Variants in IDO2 observed in about 807,000 individuals in gnomAD.
IDO2 encodes indoleamine 2,3-dioxygenase 2, also known as indoleamine 2,3-dioxygenase-like 1 protein.
In IDO2, 46 loss-of-function variants were observed where a neutral mutation model predicts 45.1. That is an observed-to-expected ratio of 1.02 (90% CI 0.80 to 1.30). The LOEUF (loss-of-function observed/expected upper bound fraction) is 1.30. IDO2 is among the 50% of genes most tolerant of loss of function. The pLI is 0.00. For missense variants in IDO2, 544 were observed against 491.8 expected, an observed-to-expected ratio of 1.11 and a Z score of -1.00; for synonymous variants, 218 against 184.9, an observed-to-expected ratio of 1.18 and a Z score of -1.45.
intron 1 of IDO2, among the ~76,000 whole-genome samples, chr8:39,943,692 C>A (rs939225085): frequency 7.1e-6 from 1 of 141,680 alleles, no homozygotes; most frequent in South Asian, 2.2e-4. Context: ...GAGCTGAGAT[C>A]GCGCCACTGC....
Position 40,005,308 on chromosome 8 carries a change from A to AT in IDO2, c.668-15dup, listed in dbSNP as rs748236730. On this transcript the variant is annotated intron_variant, in intron 8 of 10. Coordinates refer to ENST00000502986, the Ensembl canonical transcript of IDO2. ...TTTCTTTGCCTGTAGTAAAGTTCAC[A>AT]TTTTGATTGCTTCTCCAGATTATGT... is the stretch of plus-strand genomic sequence containing the variant. 2.6e-6 allele frequency: 4 copies of AT among 1,559,004 alleles called. No individual in the cohort carries two copies. Among genetic ancestry groups the AT allele is most frequent in the Non-Finnish European group, 3.5e-6 (4 of 1,144,602 alleles).
chr8:39,949,914 A>G (rs956049888), intron 2 of IDO2, among the ~76,000 whole-genome samples: 5 of 152,210 alleles, frequency 3.3e-5, no homozygotes, highest in African/African-American at 1.2e-4. Context: ...CTAACAAACA[A>G]TACCTCTTTC....
intron 8 of IDO2, among the ~76,000 whole-genome samples, chr8:40,004,451 A>G (rs1183970113): frequency 6.6e-6 from 1 of 152,218 alleles, no homozygotes; most frequent in Non-Finnish European, 1.5e-5. Context: ...AGATAAATAC[A>G]TAGATAGATA....
At chr8:39,971,990 A>G (rs192745320) in intron 3 of IDO2, among the ~76,000 whole-genome samples, 1 of 151,990 alleles carries the variant, frequency 6.6e-6, no homozygotes, top group South Asian at 2.1e-4. Flanking sequence ...TTGTATTTTT[A>G]GTAGAGATGG....
chr8:39,989,714 T>A lies in IDO2; in HGVS notation c.550-7T>A. ...TAATAAGTTGTGTACATGCATCTCA[T>A]CCCTAGGCTCTTGTTCAGGCCACGA... is the stretch of plus-strand genomic sequence containing the variant. On this transcript the variant is annotated splice_region_variant and splice_polypyrimidine_tract_variant and intron_variant, in intron 7 of 10. Coordinates refer to ENST00000502986, the Ensembl canonical transcript of IDO2. 1 of 1,566,080 alleles carries A rather than the reference T, an allele frequency of 6.4e-7. No individual in the cohort carries two copies. The highest frequency in any genetic ancestry group is 8.7e-7 in the Non-Finnish European group (1 of 1,153,258).
chr8:39,997,230 G>C (rs1802059565), intron 8 of IDO2, among the ~76,000 whole-genome samples: 1 of 152,084 alleles, frequency 6.6e-6, no homozygotes, highest in African/African-American at 2.4e-5. Flanking sequence ...AATTACAAAA[G>C]TGGCATGACT....
intron 2 of IDO2, among the ~76,000 whole-genome samples, chr8:39,956,906 G>T (rs1325602130): frequency 6.6e-6 from 1 of 151,704 alleles, no homozygotes; most frequent in Non-Finnish European, 1.5e-5. Context: ...AGCCGGACGT[G>T]GTGGTATACA....
intron 8 of IDO2, chr8:39,998,111 A>G (rs540223554): frequency 1.9e-5 from 4 of 213,700 alleles, no homozygotes; most frequent in East Asian, 1.1e-4. Flanking sequence ...GTCAAAGCCT[A>G]TGGTAGACAT....
intron 4 of IDO2, among the ~76,000 whole-genome samples, chr8:39,981,761 A>G (rs905367813): frequency 6.6e-6 from 1 of 152,170 alleles, no homozygotes; most frequent in Non-Finnish European, 1.5e-5. Context: ...TTCTTAATGG[A>G]TATTTTATCT....
intron 4 of IDO2, among the ~76,000 whole-genome samples, chr8:39,981,351 T>C (rs1272964253): frequency 6.6e-6 from 1 of 152,176 alleles, no homozygotes; most frequent in African/African-American, 2.4e-5. Flanking sequence ...TGAGCCACCG[T>C]GCCCGGCGTG....
At position 39,999,519 on chromosome 8, in the gene IDO2, T is replaced by C. The variant is rs562143755; in HGVS notation, c.668-5808T>C. Among the ~76,000 whole-genome samples the C allele has an allele frequency of 4.6e-5, 7 of 152,238 alleles. No individual in the cohort carries two copies. In the South Asian group the frequency reaches 1.5e-3, roughly 32 times the overall value. On this transcript the variant is annotated intron_variant, in intron 8 of 10. Coordinates refer to ENST00000502986, the Ensembl canonical transcript of IDO2. ...GTCTCAAACTCTTGACTTCAGGTGA[T>C]CCACCCACCTCAGTCTCCCAAAGTG...
chr8:39,938,257 A>G (rs970274031), intron 1 of IDO2, among the ~76,000 whole-genome samples: 2 of 148,758 alleles, frequency 1.3e-5, no homozygotes, highest in African/African-American at 5.0e-5. Flanking sequence ...AGTGAGGGCA[A>G]CATAGTGAGA....
intron 2 of IDO2, among the ~76,000 whole-genome samples, chr8:39,956,681 A>AACT (rs1220219958): frequency 6.6e-6 from 1 of 152,190 alleles, no homozygotes; most frequent in Non-Finnish European, 1.5e-5. Context: ...TAATAGTAAT[A>AACT]ACTATATAGA....
At chr8:39,985,739 T>A (rs1221333271) in intron 6 of IDO2, 8 of 531,010 alleles carry the variant, frequency 1.5e-5, no homozygotes, top group Admixed American at 3.6e-5. Context: ...GATTTTTTTT[T>A]ACTGTATTTT....
exon 11 of IDO2, chr8:40,015,687 C>T (rs1563445180): frequency 4.2e-6 from 4 of 949,830 alleles, no homozygotes; most frequent in East Asian, 2.4e-5. Context: ...TGCCTGGGAT[C>T]ATCCAGGAAG....
chr8:39,949,695 A>G (rs892246624), intron 2 of IDO2, among the ~76,000 whole-genome samples: 3 of 152,218 alleles, frequency 2.0e-5, no homozygotes, highest in Non-Finnish European at 4.4e-5. Flanking sequence ...TCTCCTTTGC[A>G]TGACTACATG....
At chr8:39,947,171 CAA>C (rs55785952) in intron 1 of IDO2, among the ~76,000 whole-genome samples, 2,243 of 79,922 alleles carry the variant, frequency 0.028, 28 homozygotes, top group African/African-American at 0.089. Context: ...GCTAAGGTAT[CAA>C]AAAAAAAAAA....
intron 1 of IDO2, among the ~76,000 whole-genome samples, chr8:39,935,909 T>C (rs1180830952): frequency 6.6e-6 from 1 of 152,208 alleles, no homozygotes; most frequent in East Asian, 1.9e-4. Flanking sequence ...TCTTTAACTA[T>C]GTGCAAGTTA....
chr8:39,966,248 C>T (rs1259229279), intron 3 of IDO2, among the ~76,000 whole-genome samples: 8 of 151,890 alleles, frequency 5.3e-5, no homozygotes, highest in Admixed American at 2.0e-4. Context: ...AGGCTGGTCT[C>T]GAACTCCTAA....
Sources: allele counts gnomAD v4.1 joint callset (sites outside exome capture counted in the v4.1 genomes callset), GRCh38; gene constraint gnomAD v4.1.1; transcripts MANE v1.5; gene names NCBI Gene and HGNC (gene_info 2026-07-23, HGNC 2026-07-21).